FRMPD4: variants seen among roughly 807,000 people sequenced by gnomAD.
The protein encoded by FRMPD4 is FERM and PDZ domain-containing protein 4.
In FRMPD4, 22 loss-of-function variants were observed where a neutral mutation model predicts 94.1. The observed-to-expected ratio is 0.23, with a 90% CI of 0.17 to 0.33. FRMPD4 has a LOEUF of 0.33. Among genes scored for constraint, FRMPD4 ranks in the 10% least tolerant of loss-of-function variants. The probability of loss-of-function intolerance (pLI) is 1.00; values close to 1 mark genes in which losing one functional copy is unlikely to be tolerated. For synonymous variants in FRMPD4, 631 were observed against 548.6 expected, an observed-to-expected ratio of 1.15 and a Z score of -2.10; for missense variants, 1,111 against 1,339.9, an observed-to-expected ratio of 0.83 and a Z score of 2.67.
At chrX:12,483,720 T>C (rs2057712348) in intron 1 of FRMPD4, among the ~76,000 whole-genome samples, 1 of 112,218 alleles carries the variant, frequency 8.9e-6, no homozygotes, top group Non-Finnish European at 1.9e-5. Flanking sequence ...GAACCCATGC[T>C]GAAGTCAAGT....
intron 3 of FRMPD4, among the ~76,000 whole-genome samples, chrX:12,067,149 C>A (rs1390638259): frequency 1.8e-5 from 2 of 109,775 alleles, no homozygotes; most frequent in Middle Eastern, 9.4e-3. Context: ...GGATTACAGG[C>A]GTGAGCCACC....
intron 1 of FRMPD4, among the ~76,000 whole-genome samples, chrX:12,233,239 T>C (rs1407102088): frequency 8.9e-6 from 1 of 111,887 alleles, no homozygotes; most frequent in Non-Finnish European, 1.9e-5. Flanking sequence ...AGTATATTTG[T>C]AAGGTCAGAT....
chrX:12,150,244 A>G (rs2055829242), intron 1 of FRMPD4, among the ~76,000 whole-genome samples: 1 of 112,233 alleles, frequency 8.9e-6, no homozygotes, highest in African/African-American at 3.2e-5. Flanking sequence ...TGTATTCCAC[A>G]TGATGTCCAA....
At chrX:11,899,964 C>T (rs777826641) in intron 3 of FRMPD4, among the ~76,000 whole-genome samples, 1 of 110,368 alleles carries the variant, frequency 9.1e-6, no homozygotes, top group Non-Finnish European at 1.9e-5. Context: ...AAGATTTGGT[C>T]GCTCTACACA....
intron 1 of FRMPD4, among the ~76,000 whole-genome samples, chrX:12,475,499 A>G (rs1218480680): frequency 2.7e-5 from 3 of 111,800 alleles, no homozygotes; most frequent in East Asian, 2.8e-4. Context: ...AGGGTATGCA[A>G]TTAGGAAAAG....
intron 4 of FRMPD4, among the ~76,000 whole-genome samples, chrX:12,639,665 G>C (rs1416113557): frequency 5.3e-5 from 6 of 112,293 alleles, no homozygotes; most frequent in Non-Finnish European, 1.1e-4. Context: ...TTATTGTTTT[G>C]CCAGTATAAT....
intron 1 of FRMPD4, among the ~76,000 whole-genome samples, chrX:12,418,430 C>T (rs749879660): frequency 2.0e-5 from 2 of 101,529 alleles, no homozygotes; most frequent in East Asian, 6.3e-4. Flanking sequence ...GCAATCTTGG[C>T]TCACTGCAAC....
At chrX:12,637,068 A>C (rs1234487824) in intron 4 of FRMPD4, among the ~76,000 whole-genome samples, 1 of 112,524 alleles carries the variant, frequency 8.9e-6, no homozygotes, top group East Asian at 2.8e-4. Flanking sequence ...ATAAGGACAG[A>C]ACTAAGAAAT....
At chrX:12,172,035 G>A (rs1486673970) in intron 1 of FRMPD4, among the ~76,000 whole-genome samples, 5 of 111,279 alleles carry the variant, frequency 4.5e-5, no homozygotes, top group African/African-American at 1.6e-4. Flanking sequence ...ATTTCTGCTG[G>A]CACAGAGAAC....
chrX:11,840,154 T>C (rs1334069498), intron 1 of FRMPD4, among the ~76,000 whole-genome samples: 4 of 111,662 alleles, frequency 3.6e-5, no homozygotes, highest in East Asian at 5.6e-4. Flanking sequence ...GTAGATCAGT[T>C]TGGGGAGAAA....
intron 4 of FRMPD4, among the ~76,000 whole-genome samples, chrX:12,620,337 C>T (rs1481547933): frequency 1.8e-5 from 2 of 112,320 alleles, no homozygotes; most frequent in African/African-American, 6.5e-5. Context: ...CCATCTGTGT[C>T]CCCAGAAGCA....
At chrX:12,111,262 A>G (rs2055358830) in intron 3 of FRMPD4, among the ~76,000 whole-genome samples, 1 of 111,414 alleles carries the variant, frequency 9.0e-6, no homozygotes. Context: ...CAGAAATAAT[A>G]CCACACATCT....
At chrX:12,156,170 G>A (rs1254221145) in intron 1 of FRMPD4, among the ~76,000 whole-genome samples, 4 of 111,470 alleles carry the variant, frequency 3.6e-5, no homozygotes, top group African/African-American at 1.3e-4. Context: ...ACATCCTAAC[G>A]TGAGTAAAAC....
At chrX:12,623,472 C>T (rs1224309537) in intron 4 of FRMPD4, among the ~76,000 whole-genome samples, 1 of 46,875 alleles carries the variant, frequency 2.1e-5, no homozygotes, top group Non-Finnish European at 4.1e-5. Flanking sequence ...GTTAGAGGAA[C>T]AGAAAGTAAA....
chrX:12,186,161 A>G (rs1261625954), intron 1 of FRMPD4, among the ~76,000 whole-genome samples: 1 of 111,273 alleles, frequency 9.0e-6, no homozygotes, highest in East Asian at 2.8e-4. Context: ...CTCACTGGCT[A>G]TGCACAACAC....
intron 1 of FRMPD4, among the ~76,000 whole-genome samples, chrX:11,853,587 A>T (rs1358327758): frequency 8.9e-6 from 1 of 112,001 alleles, no homozygotes; most frequent in Admixed American, 9.5e-5. Context: ...CCATCAGGGA[A>T]TATTATGAAC....
At chrX:12,709,940 C>A (rs996046907) in intron 13 of FRMPD4, among the ~76,000 whole-genome samples, 1 of 110,607 alleles carries the variant, frequency 9.0e-6, no homozygotes, top group African/African-American at 3.3e-5. Context: ...ACAGCCTGGC[C>A]AACATGGTGA....
At chrX:12,461,448 TCTGTTGATCCAA>T (rs2057389933) in intron 1 of FRMPD4, among the ~76,000 whole-genome samples, 1 of 112,016 alleles carries the variant, frequency 8.9e-6, no homozygotes, top group Non-Finnish European at 1.9e-5. Flanking sequence ...GTCTTTGCTA[TCTGTTGATCCAA>T]GGATCAAGAT....
intron 4 of FRMPD4, among the ~76,000 whole-genome samples, chrX:12,634,089 G>A (rs1272730716): frequency 1.8e-5 from 2 of 111,922 alleles, no homozygotes; most frequent in African/African-American, 6.5e-5. Flanking sequence ...AAAATTTTGA[G>A]TATTTCACAC....
Sources: gnomAD v4.1 joint callset for allele counts (sites outside exome capture counted in the v4.1 genomes callset) on GRCh38, gnomAD v4.1.1 for gene constraint, MANE v1.5 for transcripts, NCBI Gene and HGNC (gene_info 2026-07-23, HGNC 2026-07-21) for gene names.